The following SYCP1 variants were observed in gnomAD, a reference collection of about 807,000 sequenced individuals.
SYCP1 encodes the protein cancer/testis antigen 8.
In SYCP1, 64 loss-of-function variants were observed where a neutral mutation model predicts 153.1. The ratio of observed to expected loss-of-function variants is 0.42; its 90% confidence interval spans 0.34 to 0.51. The LOEUF is 0.51. Ranked by LOEUF, SYCP1 falls within the 20% of genes least tolerant of loss-of-function variation. The pLI is 0.06. For missense variants in SYCP1, 997 were observed against 1,049.0 expected, an observed-to-expected ratio of 0.95 and a Z score of 0.68; for synonymous variants, 384 against 341.8, an observed-to-expected ratio of 1.12 and a Z score of -1.36.
intron 28 of SYCP1, among the ~76,000 whole-genome samples, chr1:114,980,189 T>C (rs1237407749): frequency 1.3e-5 from 2 of 151,872 alleles, no homozygotes; most frequent in Non-Finnish European, 2.9e-5. Flanking sequence ...CATGCCTCAA[T>C]TTCCTTACAA....
chr1:114,991,574 C>CA (rs1196358134), intron 30 of SYCP1, among the ~76,000 whole-genome samples: 1 of 151,484 alleles, frequency 6.6e-6, no homozygotes, highest in South Asian at 2.1e-4. Flanking sequence ...CATCGTGATG[C>CA]AAAAAAAGGT....
chr1:114,943,981 A>G (rs935965355), intron 23 of SYCP1, among the ~76,000 whole-genome samples: 34 of 151,896 alleles, frequency 2.2e-4, no homozygotes, highest in Admixed American at 1.3e-4. Context: ...AATCTCATTA[A>G]GAATATGCCT....
At chr1:114,965,458 A>G (rs1672055908) in intron 27 of SYCP1, among the ~76,000 whole-genome samples, 1 of 152,170 alleles carries the variant, frequency 6.6e-6, no homozygotes, top group African/African-American at 2.4e-5. Context: ...GAATACTTCC[A>G]GGTTTGGCCT....
intron 27 of SYCP1, among the ~76,000 whole-genome samples, chr1:114,971,261 C>T (rs978326687): frequency 1.3e-5 from 2 of 152,058 alleles, no homozygotes; most frequent in Non-Finnish European, 2.9e-5. Flanking sequence ...TCAGACTTTC[C>T]TTGGGCAGGG....
rs74116156 is a variant in SYCP1, at chr1:114,880,470, T to G, written c.910+2268T>G. Among the ~76,000 whole-genome samples the G allele has an allele frequency of 5.1e-3, 770 of 152,338 alleles. 6 individuals are homozygous for G. Among genetic ancestry groups the G allele is most frequent in the African/African-American group, 0.018 (734 of 41,572 alleles). On this transcript the variant is annotated intron_variant, in intron 12 of 31. Coordinates refer to ENST00000369522, the MANE Select transcript of SYCP1 (RefSeq NM_003176.4). ...ATCTTGGAGCTTCCCGATGATGTTGTCTTTTCTCTGCTGGAGAGAAATTGG... is the reference window on the plus strand; with the variant it reads ...ATCTTGGAGCTTCCCGATGATGTTGGCTTTTCTCTGCTGGAGAGAAATTGG...
intron 30 of SYCP1, among the ~76,000 whole-genome samples, chr1:114,985,370 G>T (rs2101964291): frequency 6.6e-6 from 1 of 152,026 alleles, no homozygotes; most frequent in Admixed American, 6.6e-5. Flanking sequence ...TGTTTAAGCA[G>T]GCTATTTCCT....
chr1:114,949,485 G>A (rs778575889), intron 27 of SYCP1, among the ~76,000 whole-genome samples: 34 of 152,164 alleles, frequency 2.2e-4, no homozygotes, highest in Non-Finnish European at 3.5e-4. Flanking sequence ...TGATAGTTAA[G>A]AATTCAGCCT....
chr1:114,866,905 T>C (rs139669365), intron 8 of SYCP1, among the ~76,000 whole-genome samples: 1 of 150,850 alleles, frequency 6.6e-6, no homozygotes, highest in African/African-American at 2.4e-5. Context: ...CCAGATTCTT[T>C]TTTTTTTTTT....
intron 22 of SYCP1, 65 bp from the exon 23 acceptor site, chr1:114,926,436 A>G (rs1482198670): frequency 6.7e-7 from 1 of 1,494,438 alleles, no homozygotes; most frequent in East Asian, 2.5e-5. Context: ...ATTTAAGTCT[A>G]AGTCAGTAGC....
intron 26 of SYCP1, 22 bp downstream of exon 26, chr1:114,946,403 AG>A (rs748864624): frequency 6.2e-5 from 90 of 1,454,812 alleles, no homozygotes; most frequent in Non-Finnish European, 7.8e-5. Context: ...AAAAAATTGC[AG>A]TAACGGCCAG....
At chr1:114,970,516 T>G (rs1400783355) in intron 27 of SYCP1, among the ~76,000 whole-genome samples, 2 of 151,548 alleles carry the variant, frequency 1.3e-5, no homozygotes, top group Admixed American at 6.6e-5. Context: ...GAATTGTTTT[T>G]TTTTTTTCTA....
chr1:114,980,516 T>C (rs1673081024), intron 28 of SYCP1, among the ~76,000 whole-genome samples: 1 of 151,960 alleles, frequency 6.6e-6, no homozygotes, highest in South Asian at 2.1e-4. Context: ...ACTTTCATAA[T>C]TATTCTCCTT....
chr1:114,906,490 A>G (rs1667815730), intron 16 of SYCP1, among the ~76,000 whole-genome samples: 1 of 151,984 alleles, frequency 6.6e-6, no homozygotes, highest in Non-Finnish European at 1.5e-5. Context: ...CTTTTTTGTA[A>G]GCATTTGCAT....
chr1:114,895,500 A>C lies in SYCP1; in HGVS notation c.1311A>C (p.Lys437Asn). ...AAGAAGTAGAACTTGAAGAATTGAA[A>C]AAAGTCTTGGTAAGTATAGTCTTTC... ...NNKEVELEEL[K>N]KVLGEKETLL... The change falls in exon 16 of 32, where the codon AAA (lysine) becomes AAC (asparagine). Residue 437 changes from lysine (K) to asparagine (N), a missense_variant. By Grantham distance (94) the Lys-to-Asn change is moderately conservative. Around this residue, in one of 2 missense-constraint regions of SYCP1, gnomAD observed 712 missense variants for 682.9 expected, o/e 1.04. Transcript: ENST00000369522. The C allele has an allele frequency of 6.6e-7, 1 of 1,518,236 alleles. No individual in the cohort carries two copies. Among genetic ancestry groups the C allele is most frequent in the East Asian group, 2.3e-5 (1 of 43,410 alleles). The allele number at this position is 1,518,236 out of a possible 1,614,324, so 94.0% of individuals were successfully genotyped here.
intron 27 of SYCP1, among the ~76,000 whole-genome samples, chr1:114,965,071 T>C (rs1672030611): frequency 6.6e-6 from 1 of 152,190 alleles, no homozygotes; most frequent in South Asian, 2.1e-4. Context: ...CTTGAAGAGG[T>C]CCTTCACATC....
chr1:114,970,582 T>G (rs1672422242), intron 27 of SYCP1, among the ~76,000 whole-genome samples: 1 of 152,114 alleles, frequency 6.6e-6, no homozygotes, highest in Non-Finnish European at 1.5e-5. Context: ...GCTGTTCAGA[T>G]TCTTTTGTCC....
chr1:114,877,144 C>T (rs1665598480), intron 11 of SYCP1, among the ~76,000 whole-genome samples: 1 of 152,094 alleles, frequency 6.6e-6, no homozygotes, highest in South Asian at 2.1e-4. Flanking sequence ...ATTGACTACT[C>T]AACTTACATT....
At chr1:114,942,773 A>G (rs1670465478) in intron 23 of SYCP1, among the ~76,000 whole-genome samples, 1 of 151,972 alleles carries the variant, frequency 6.6e-6, no homozygotes. Context: ...GTAAAGAAAG[A>G]TTTCCTAAAT....
intron 27 of SYCP1, among the ~76,000 whole-genome samples, chr1:114,968,546 T>G (rs1672284375): frequency 1.3e-5 from 2 of 152,178 alleles, no homozygotes; most frequent in Admixed American, 1.3e-4. Flanking sequence ...TTCTGTTCTC[T>G]AAACTGGTTA....
Sources: gnomAD v4.1 joint callset for allele counts (sites outside exome capture counted in the v4.1 genomes callset) on GRCh38, gnomAD v4.1.1 for gene constraint, gnomAD v4.1.1 regional missense constraint, MANE v1.5 for transcripts, NCBI Gene and HGNC (gene_info 2026-07-23, HGNC 2026-07-21) for gene names.